Variants in SEMA3A observed in about 807,000 individuals in gnomAD.
SEMA3A encodes semaphorin-3A.
SEMA3A carries 29 observed loss-of-function variants against 97.9 expected under a neutral mutation model. The ratio of observed to expected loss-of-function variants is 0.30; its 90% CI spans 0.22 to 0.40. The LOEUF is 0.40. SEMA3A is among the 10% of genes least tolerant of loss of function. The probability of loss-of-function intolerance (pLI) is 1.00; values close to 1 mark genes in which losing one functional copy is unlikely to be tolerated. For synonymous variants in SEMA3A, 321 were observed against 323.7 expected, an observed-to-expected ratio of 0.99 and a Z score of 0.09; for missense variants, 763 against 951.3, an observed-to-expected ratio of 0.80 and a Z score of 2.60.
intron 1 of SEMA3A, among the ~76,000 whole-genome samples, chr7:84,477,824 G>C (rs1288300675): frequency 2.0e-5 from 3 of 152,174 alleles, no homozygotes; most frequent in Admixed American, 6.5e-5. Context: ...CATACGACCT[G>C]CATGCAATTT....
intron 1 of SEMA3A, among the ~76,000 whole-genome samples, chr7:84,460,263 G>C (rs1239458658): frequency 6.6e-6 from 1 of 152,034 alleles, no homozygotes; most frequent in Non-Finnish European, 1.5e-5. Flanking sequence ...ACATCAATGG[G>C]ATAAAAGTTT....
chr7:84,373,152 A>G (rs1803012581), intron 1 of SEMA3A, among the ~76,000 whole-genome samples: 2 of 152,198 alleles, frequency 1.3e-5, no homozygotes, highest in African/African-American at 2.4e-5. Flanking sequence ...CCCAGACTAA[A>G]TAAGTGTCCC....
At chr7:84,095,370 T>TATATATATATATATA (rs1794742994) in intron 4 of SEMA3A, among the ~76,000 whole-genome samples, 1 of 54,214 alleles carries the variant, frequency 1.8e-5, no homozygotes, top group Non-Finnish European at 6.0e-5. Context: ...TATATATATA[T>TATATATATATATATA]ATATATATAT....
rs79498320 is a variant in SEMA3A at position 84,351,678 on chromosome 7, T to G, written c.-169+20146A>C. On this transcript the variant is annotated intron_variant, in intron 2 of 3. Coordinates refer to the SEMA3A transcript ENST00000424555. ...ATCAAAACTAAAATAGGATATCATC[T>G]CACTCTAGTTAAAATGGCTATCTGA... 0.014 allele frequency among the ~76,000 whole-genome samples: 2,192 copies of G among 152,158 alleles called. 93 individuals are homozygous for G. In the East Asian group the frequency reaches 0.15, roughly 10 times the overall value.
chr7:84,173,190 A>G (rs187172186), intron 1 of SEMA3A, among the ~76,000 whole-genome samples: 2 of 152,256 alleles, frequency 1.3e-5, no homozygotes, highest in African/African-American at 4.8e-5. Flanking sequence ...GTCTTTTGTC[A>G]TATCATTTTT....
chr7:84,137,271 G>A (rs1293061624), intron 1 of SEMA3A, among the ~76,000 whole-genome samples: 2 of 151,704 alleles, frequency 1.3e-5, no homozygotes, highest in Admixed American at 1.3e-4. Context: ...CTTGATGGCG[G>A]GTGCCTGTAA....
intron 1 of SEMA3A, among the ~76,000 whole-genome samples, chr7:84,408,642 C>A (rs1407477598): frequency 6.6e-6 from 1 of 151,870 alleles, no homozygotes; most frequent in Admixed American, 6.6e-5. Flanking sequence ...TAGAACCAAC[C>A]CAAATGTCCA....
intron 3 of SEMA3A, among the ~76,000 whole-genome samples, chr7:84,124,641 A>T (rs1249229082): frequency 6.6e-6 from 1 of 152,094 alleles, no homozygotes; most frequent in Non-Finnish European, 1.5e-5. Context: ...TTTATTTCTT[A>T]TTGTTTATTT....
chr7:84,464,438 G>A (rs756374020), intron 1 of SEMA3A, among the ~76,000 whole-genome samples: 2 of 152,108 alleles, frequency 1.3e-5, no homozygotes, highest in East Asian at 1.9e-4. Context: ...GAGAAAGAAC[G>A]TTCTAGGCAG....
At chr7:84,064,931 C>T (rs1208442123) in intron 4 of SEMA3A, among the ~76,000 whole-genome samples, 1 of 152,250 alleles carries the variant, frequency 6.6e-6, no homozygotes, top group Non-Finnish European at 1.5e-5. Context: ...TAATAGACAT[C>T]TACAGAACTC....
chr7:84,356,287 T>C (rs1802559185), intron 2 of SEMA3A, among the ~76,000 whole-genome samples: 1 of 151,758 alleles, frequency 6.6e-6, no homozygotes, highest in Non-Finnish European at 1.5e-5. Flanking sequence ...GGTAATTTAG[T>C]GGTTATGACA....
chr7:84,204,903 T>C (rs2116305769), intron 3 of SEMA3A, among the ~76,000 whole-genome samples: 1 of 152,304 alleles, frequency 6.6e-6, no homozygotes, highest in African/African-American at 2.4e-5. Flanking sequence ...AAATTGCTGG[T>C]GACTCACTTG....
At chr7:84,417,479 A>T (rs1804466998) in intron 1 of SEMA3A, among the ~76,000 whole-genome samples, 1 of 152,092 alleles carries the variant, frequency 6.6e-6, no homozygotes, top group Non-Finnish European at 1.5e-5. Flanking sequence ...CTTCACCAAA[A>T]ATTTATGACG....
At chr7:84,051,781 A>C (rs1291201945) in intron 5 of SEMA3A, among the ~76,000 whole-genome samples, 13 of 152,082 alleles carry the variant, frequency 8.5e-5, no homozygotes, top group South Asian at 2.1e-4. Context: ...GCATCCCTGT[A>C]TTGTGCCAGT....
In SEMA3A at chr7:84,045,687, A is replaced by G. The variant is rs145860548; in HGVS notation, c.667+637T>C. ...GTAATAGTAATAAATAATAATAAGC[A>G]TCTACTTGATCAAGTAGTTAAGCCA... On this transcript the variant is annotated intron_variant, in intron 6 of 16. Coordinates refer to ENST00000265362, the MANE Select transcript of SEMA3A (RefSeq NM_006080.3). 1.2e-3 allele frequency among the ~76,000 whole-genome samples: 188 copies of G among 152,058 alleles called. 1 individual carries two copies. In the East Asian group the frequency reaches 0.016, roughly 13 times the overall value.
At chr7:84,229,982 C>G (rs1208012401) in intron 3 of SEMA3A, among the ~76,000 whole-genome samples, 1 of 151,964 alleles carries the variant, frequency 6.6e-6, no homozygotes, top group Non-Finnish European at 1.5e-5. Context: ...GATCTTACCC[C>G]CCCTTTACTC....
intron 3 of SEMA3A, among the ~76,000 whole-genome samples, chr7:84,283,746 G>C (rs1368933406): frequency 6.6e-6 from 1 of 152,072 alleles, no homozygotes; most frequent in Non-Finnish European, 1.5e-5. Flanking sequence ...AAAAGTAAAT[G>C]CTATATATGC....
rs890504191 is a variant in SEMA3A at position 84,039,239 on chromosome 7, C to T, written c.667+7085G>A. 2.5e-4 allele frequency among the ~76,000 whole-genome samples: 38 copies of T among 152,096 alleles called. 1 individual carries two copies. Among genetic ancestry groups the T allele is most frequent in the Non-Finnish European group, 5.9e-5 (4 of 68,028 alleles). ...ACAGTATGAGATATTACTATTAACC[C>T]TTTCTTACAAACCATAAATGTGTGG... On this transcript the variant is annotated intron_variant, in intron 6 of 16. Transcript: ENST00000265362.
intron 1 of SEMA3A, among the ~76,000 whole-genome samples, chr7:84,384,108 C>A (rs1264919386): frequency 6.6e-6 from 1 of 152,106 alleles, no homozygotes; most frequent in Non-Finnish European, 1.5e-5. Context: ...TTAATGAGTC[C>A]TTTAAATAAC....
Sources: allele counts gnomAD v4.1 joint callset (sites outside exome capture counted in the v4.1 genomes callset), GRCh38; gene constraint gnomAD v4.1.1; transcripts MANE v1.5; gene names NCBI Gene and HGNC (gene_info 2026-07-23, HGNC 2026-07-21).